Variants in MEIKIN observed in about 807,000 individuals in gnomAD.
MEIKIN encodes the protein meiosis-specific kinetochore protein.
In MEIKIN at chr5:131,837,074, A is replaced by C. The variant is rs542721573; in HGVS notation, c.975+14190T>G. Among the ~76,000 whole-genome samples, 10 of 152,276 alleles carry C rather than the reference A, an allele frequency of 6.6e-5. No individual in the cohort carries two copies. In the South Asian group the frequency reaches 2.1e-3, roughly 32 times the overall value. Reference sequence around the variant, plus strand: ...TGGTGTAAGGAAGGGGTTCATTTTCAATCTTCTGCACATGGCTAGCCAGTT... The same window carrying C: ...TGGTGTAAGGAAGGGGTTCATTTTCCATCTTCTGCACATGGCTAGCCAGTT... On this transcript the variant is annotated intron_variant, in intron 11 of 12. Coordinates refer to ENST00000442687, the MANE Select transcript of MEIKIN (RefSeq NM_001303622.2).
At chr5:131,812,583 T>C (rs1167804007) in intron 12 of MEIKIN, among the ~76,000 whole-genome samples, 1 of 152,212 alleles carries the variant, frequency 6.6e-6, no homozygotes, top group Non-Finnish European at 1.5e-5. Context: ...CTTTTTTGGA[T>C]GTTGGAGTTA....
intron 7 of MEIKIN, among the ~76,000 whole-genome samples, chr5:131,914,962 C>T (rs1751393854): frequency 6.6e-6 from 1 of 152,062 alleles, no homozygotes; most frequent in Non-Finnish European, 1.5e-5. Context: ...AGGAGATGTC[C>T]ATACAGGGTG....
At chr5:131,934,977 ACC>A (rs1466791011) in intron 4 of MEIKIN, among the ~76,000 whole-genome samples, 1 of 151,932 alleles carries the variant, frequency 6.6e-6, no homozygotes, top group Non-Finnish European at 1.5e-5. Flanking sequence ...AATCTCTTGA[ACC>A]CAGGAGGTGG....
intron 11 of MEIKIN, among the ~76,000 whole-genome samples, chr5:131,828,390 T>A (rs1365994823): frequency 6.6e-6 from 1 of 152,184 alleles, no homozygotes; most frequent in African/African-American, 2.4e-5. Flanking sequence ...CTTGAACTCC[T>A]GAGCTCAAGC....
At chr5:131,850,721 A>T (rs1475568442) in intron 11 of MEIKIN, among the ~76,000 whole-genome samples, 2 of 152,110 alleles carry the variant, frequency 1.3e-5, no homozygotes, top group Non-Finnish European at 2.9e-5. Flanking sequence ...ACAAAAAAAA[A>T]TTGAAGAAAA....
intron 8 of MEIKIN, among the ~76,000 whole-genome samples, chr5:131,908,333 T>C (rs926559156): frequency 6.6e-5 from 10 of 152,144 alleles, no homozygotes; most frequent in Non-Finnish European, 1.0e-4. Flanking sequence ...AAAAAAACCA[T>C]ATGATCATTT....
intron 5 of MEIKIN, among the ~76,000 whole-genome samples, chr5:131,922,611 C>A (rs1751523731): frequency 6.6e-6 from 1 of 152,134 alleles, no homozygotes; most frequent in Non-Finnish European, 1.5e-5. Flanking sequence ...CAAGGGACAA[C>A]TGTACGTAAA....
intron 11 of MEIKIN, among the ~76,000 whole-genome samples, chr5:131,830,444 T>A (rs1749696041): frequency 6.6e-6 from 1 of 152,066 alleles, no homozygotes; most frequent in Non-Finnish European, 1.5e-5. Flanking sequence ...AAAAAAACCT[T>A]AAAGACTATT....
chr5:131,866,867 C>A (rs796370925), intron 9 of MEIKIN, among the ~76,000 whole-genome samples: 10 of 152,302 alleles, frequency 6.6e-5, no homozygotes, highest in African/African-American at 2.2e-4. Flanking sequence ...TCAATTAGAT[C>A]TCTAGGCCAC....
At chr5:131,906,813 A>T (rs72793242) in intron 8 of MEIKIN, among the ~76,000 whole-genome samples, 32,970 of 151,992 alleles carry the variant, frequency 0.22, 3,825 homozygotes, top group East Asian at 0.49. Context: ...GGACCTAAAC[A>T]TTGGGTATAT....
intron 11 of MEIKIN, among the ~76,000 whole-genome samples, chr5:131,821,630 CTTTTTTTTTTTTT>C (rs375765946): frequency 2.0e-5 from 1 of 50,452 alleles, no homozygotes; most frequent in Non-Finnish European, 3.6e-5. Flanking sequence ...TGAGGTCTGC[CTTTTTTTTTTTTT>C]TTTTTTTTTT....
chr5:131,912,965 A>G (rs567599249), intron 7 of MEIKIN, among the ~76,000 whole-genome samples: 17 of 152,278 alleles, frequency 1.1e-4, no homozygotes, highest in Middle Eastern at 3.4e-3. Context: ...TCTGGCAGTG[A>G]ATTATAGGAA....
intron 7 of MEIKIN, among the ~76,000 whole-genome samples, chr5:131,912,369 AG>A (rs1196987770): frequency 6.6e-6 from 1 of 151,850 alleles, no homozygotes; most frequent in Non-Finnish European, 1.5e-5. Flanking sequence ...CTGCAGTAAA[AG>A]GTTTTTTTGA....
intron 5 of MEIKIN, among the ~76,000 whole-genome samples, chr5:131,929,750 A>C (rs1274488315): frequency 6.6e-6 from 1 of 152,082 alleles, no homozygotes; most frequent in Admixed American, 6.6e-5. Context: ...TGTGTACTCA[A>C]TGTTTAGTTC....
intron 9 of MEIKIN, among the ~76,000 whole-genome samples, chr5:131,873,568 C>T (rs1247983579): frequency 6.6e-6 from 1 of 152,188 alleles, no homozygotes; most frequent in Non-Finnish European, 1.5e-5. Flanking sequence ...TAACACCCCA[C>T]TGTCAACATT....
chr5:131,934,148 A>C (rs1405465920), intron 4 of MEIKIN, among the ~76,000 whole-genome samples: 5 of 150,964 alleles, frequency 3.3e-5, no homozygotes, highest in African/African-American at 1.2e-4. Flanking sequence ...TTTTTAGTAG[A>C]GACGGGGTTT....
At chr5:131,943,068 T>C (rs1751900631) in intron 3 of MEIKIN, among the ~76,000 whole-genome samples, 1 of 151,856 alleles carries the variant, frequency 6.6e-6, no homozygotes, top group African/African-American at 2.4e-5. Context: ...AAGTCTAAAA[T>C]ACTAGAAATA....
Position 131,933,510 on chromosome 5 carries a change from C to T in MEIKIN, c.478+3G>A, listed in dbSNP as rs1580914047. 1.8e-5 allele frequency: 7 copies of T among 398,500 alleles called. No individual in the cohort carries two copies. Among genetic ancestry groups the T allele is most frequent in the Admixed American group, 8.8e-5 (2 of 22,710 alleles). 24.7% of individuals were successfully genotyped at this position (398,500 alleles called of 1,614,324 possible). A position where few individuals can be genotyped will look rare whatever the true frequency, so the allele number is the denominator to read the frequency against. ...CAATTTAAGGTTGGAATTACTTTCT[C>T]ACCTAAATAATCTGATTTTCTGAAC... On this transcript the variant is annotated splice_donor_region_variant and intron_variant, in intron 5 of 12. Transcript: ENST00000442687.
At chr5:131,814,225 CA>C (rs1773058694) in intron 12 of MEIKIN, among the ~76,000 whole-genome samples, 1 of 151,708 alleles carries the variant, frequency 6.6e-6, no homozygotes, top group African/African-American at 2.4e-5. Flanking sequence ...AGTTGACACT[CA>C]GTAATCCATC....
Sources: allele counts gnomAD v4.1 joint callset (sites outside exome capture counted in the v4.1 genomes callset), GRCh38; gene constraint gnomAD v4.1.1; transcripts MANE v1.5; gene names NCBI Gene and HGNC (gene_info 2026-07-23, HGNC 2026-07-21).